Variants in CDK14 observed in about 807,000 individuals in gnomAD.
The protein encoded by CDK14 is cyclin-dependent kinase 14.
CDK14 carries 34 observed loss-of-function variants against 60.7 expected under a neutral mutation model. That is an observed-to-expected ratio of 0.56 (90% confidence interval 0.43 to 0.75). The LOEUF is 0.75. Ranked by LOEUF, CDK14 falls within the 30% of genes least tolerant of loss-of-function variation. The pLI, the probability that CDK14 is intolerant of heterozygous loss-of-function variation, is 0.00. For missense variants in CDK14, 482 were observed against 564.1 expected (o/e 0.85, Z 1.47); for synonymous variants, 197 against 203.7 (o/e 0.97, Z 0.28).
intron 2 of CDK14, among the ~76,000 whole-genome samples, chr7:90,725,332 C>T (rs1324526823): frequency 1.3e-5 from 2 of 152,126 alleles, no homozygotes; most frequent in African/African-American, 2.4e-5. Context: ...CATGCTCATA[C>T]ACTCACAAAT....
At chr7:91,118,914 G>A (rs1794770798) in intron 14 of CDK14, among the ~76,000 whole-genome samples, 1 of 152,102 alleles carries the variant, frequency 6.6e-6, no homozygotes, top group South Asian at 2.1e-4. Flanking sequence ...GCCTGGCCCA[G>A]TCATCACATC....
intron 8 of CDK14, among the ~76,000 whole-genome samples, chr7:90,929,915 T>C (rs564903979): frequency 1.6e-4 from 25 of 152,302 alleles, no homozygotes; most frequent in African/African-American, 6.0e-4. Context: ...ATTTCAATGT[T>C]TGTTGTCTCT....
chr7:90,661,870 A>G (rs1260960150), intron 2 of CDK14, among the ~76,000 whole-genome samples: 3 of 100,416 alleles, frequency 3.0e-5, no homozygotes, highest in African/African-American at 1.2e-4. Context: ...TGCCCTACCC[A>G]TGTAGCAAGG....
chr7:91,082,652 C>G (rs1378273657), intron 12 of CDK14, among the ~76,000 whole-genome samples: 1 of 152,122 alleles, frequency 6.6e-6, no homozygotes, highest in Non-Finnish European at 1.5e-5. Flanking sequence ...AGAAATGTTT[C>G]CTAACTTTGT....
At position 91,092,027 on chromosome 7, in the gene CDK14, C is replaced by T. The variant is rs143241937; in HGVS notation, c.1154+12547C>T. ...ACCCCAGATGATACTCAATGTGCAG[C>T]GTTTTAATCCTATTTATTTGTCTTT... On this transcript the variant is annotated intron_variant, in intron 12 of 14. Coordinates refer to ENST00000380050, the MANE Select transcript of CDK14 (RefSeq NM_001287135.2). Among the ~76,000 whole-genome samples the T allele has an allele frequency of 5.7e-3, 870 of 152,028 alleles. 3 individuals are homozygous for T. The highest frequency in any genetic ancestry group is 9.8e-3 in the Non-Finnish European group (668 of 67,984).
At chr7:90,740,622 T>C (rs531655552) in intron 3 of CDK14, among the ~76,000 whole-genome samples, 44 of 152,326 alleles carry the variant, frequency 2.9e-4, no homozygotes, top group African/African-American at 7.7e-4. Flanking sequence ...CTTGGACTTC[T>C]AGCTTCCAAA....
chr7:90,982,405 G>A (rs566937229), intron 9 of CDK14, among the ~76,000 whole-genome samples: 5 of 152,144 alleles, frequency 3.3e-5, no homozygotes, highest in South Asian at 4.1e-4. Context: ...CTGGCTCAGC[G>A]ATTCTCACTG....
chr7:91,030,716 C>A (rs1410844236), intron 10 of CDK14, among the ~76,000 whole-genome samples: 2 of 152,214 alleles, frequency 1.3e-5, no homozygotes, highest in Admixed American at 1.3e-4. Context: ...GCTAAAAATG[C>A]AGAGGAAACT....
chr7:90,984,982 A>G (rs775920877), intron 10 of CDK14, among the ~76,000 whole-genome samples: 2 of 152,242 alleles, frequency 1.3e-5, no homozygotes, highest in Non-Finnish European at 2.9e-5. Flanking sequence ...GGTCTCCTGG[A>G]TGAAATACTA....
chr7:91,138,955 G>C (rs1272590416), intron 14 of CDK14, among the ~76,000 whole-genome samples: 1 of 152,138 alleles, frequency 6.6e-6, no homozygotes, highest in African/African-American at 2.4e-5. Context: ...CCATGTGATG[G>C]AAGCCAGGTT....
At chr7:90,675,385 A>G (rs750576142) in intron 2 of CDK14, among the ~76,000 whole-genome samples, 8 of 111,528 alleles carry the variant, frequency 7.2e-5, no homozygotes, top group Admixed American at 1.1e-4. Flanking sequence ...TTTGCTTTTA[A>G]GGTCTGAATA....
intron 2 of CDK14, among the ~76,000 whole-genome samples, chr7:90,706,541 A>G (rs1436565197): frequency 6.6e-6 from 1 of 152,180 alleles, no homozygotes; most frequent in Admixed American, 6.5e-5. Flanking sequence ...AGGAAGACAA[A>G]CAAAGTAAAT....
At chr7:91,175,494 A>G (rs1190492736) in intron 14 of CDK14, among the ~76,000 whole-genome samples, 5 of 152,222 alleles carry the variant, frequency 3.3e-5, no homozygotes, top group African/African-American at 1.2e-4. Flanking sequence ...AAATGCTCCA[A>G]TTGAAAGACA....
At chr7:90,790,227 C>T (rs1200118700) in intron 4 of CDK14, among the ~76,000 whole-genome samples, 2 of 151,080 alleles carry the variant, frequency 1.3e-5, no homozygotes, top group Non-Finnish European at 3.0e-5. Flanking sequence ...ATTGGAGAAA[C>T]AAAGGAACAG....
intron 2 of CDK14, among the ~76,000 whole-genome samples, chr7:90,680,927 G>T (rs904951413): frequency 2.0e-5 from 3 of 152,174 alleles, no homozygotes; most frequent in African/African-American, 7.2e-5. Context: ...TTAGAACATG[G>T]CTATGTACAC....
At chr7:90,921,569 A>G (rs1293041345) in intron 8 of CDK14, among the ~76,000 whole-genome samples, 1 of 152,188 alleles carries the variant, frequency 6.6e-6, no homozygotes, top group African/African-American at 2.4e-5. Context: ...TGCTTAGCAC[A>G]TAGATATTCA....
chr7:91,081,255 C>T (rs545038040), intron 12 of CDK14, among the ~76,000 whole-genome samples: 44 of 152,246 alleles, frequency 2.9e-4, no homozygotes, highest in Non-Finnish European at 5.3e-4. Context: ...TCCTTGCAAC[C>T]ATCATCAGCA....
intron 7 of CDK14, among the ~76,000 whole-genome samples, chr7:90,911,481 T>A (rs1421016384): frequency 6.6e-6 from 1 of 152,186 alleles, no homozygotes; most frequent in African/African-American, 2.4e-5. Context: ...ATTAGTAGAT[T>A]TCTTAATCTT....
chr7:90,742,131 T>A (rs1803372653), intron 3 of CDK14, among the ~76,000 whole-genome samples: 1 of 152,074 alleles, frequency 6.6e-6, no homozygotes, highest in East Asian at 1.9e-4. Context: ...GGTAATGGGG[T>A]TTTGCTAGTT....
Sources: allele counts gnomAD v4.1 joint callset (sites outside exome capture counted in the v4.1 genomes callset), GRCh38; gene constraint gnomAD v4.1.1; transcripts MANE v1.5; gene names NCBI Gene and HGNC (gene_info 2026-07-23, HGNC 2026-07-21).